KIF2A: variants seen among roughly 807,000 people sequenced by gnomAD.
KIF2A encodes the protein kinesin family member 2A, also known as kinesin-like protein KIF2A.
In KIF2A, 22 loss-of-function variants were observed where a neutral mutation model predicts 100.2. The ratio of observed to expected loss-of-function variants is 0.22; its 90% CI spans 0.16 to 0.31. KIF2A has a LOEUF of 0.31. Ranked by LOEUF, KIF2A falls within the 10% of genes least tolerant of loss-of-function variation. KIF2A has a pLI of 1.00. For missense variants in KIF2A, 495 were observed against 898.7 expected, an observed-to-expected ratio of 0.55 and a Z score of 5.74; for synonymous variants, 268 against 285.9, an observed-to-expected ratio of 0.94 and a Z score of 0.63.
At chr5:62,328,118 C>G (rs1229695472) in intron 1 of KIF2A, among the ~76,000 whole-genome samples, 3 of 152,156 alleles carry the variant, frequency 2.0e-5, no homozygotes, top group Non-Finnish European at 4.4e-5. Flanking sequence ...TTTAACAACA[C>G]CACTGTAAAA....
chr5:62,375,704 G>A lies in KIF2A; in HGVS notation c.1911+1867G>A, dbSNP rs182483640. ...TCCAAATCACTGTTACTAAAGCAGG[G>A]CTTAAAGCAGTGGTCCTTAACTAGG... On this transcript the variant is annotated intron_variant, in intron 18 of 20. Transcript: ENST00000407818. Among the ~76,000 whole-genome samples the A allele has an allele frequency of 1.5e-4, 23 of 152,298 alleles. No individual in the cohort carries two copies. The East Asian group carries it at 4.0e-3, about 27-fold the overall frequency.
rs1331343223 is a variant in KIF2A, at chr5:62,325,487, G to T, written c.64+18951G>T. Among the ~76,000 whole-genome samples, 3 of 151,794 alleles carry T rather than the reference G, an allele frequency of 2.0e-5. No individual in the cohort carries two copies. In the East Asian group the frequency reaches 5.8e-4, roughly 29 times the overall value. On this transcript the variant is annotated intron_variant, in intron 1 of 20. Transcript: ENST00000407818. ...GAAAAAAAAAATGGGTAAAGGACAT[G>T]AACAGATACTTCTCAAAAGAAGACA...
At chr5:62,355,799 C>CTTTTT (rs869252403) in intron 7 of KIF2A, among the ~76,000 whole-genome samples, 1 of 137,140 alleles carries the variant, frequency 7.3e-6, no homozygotes, top group African/African-American at 2.7e-5. Flanking sequence ...CAGGGAGTGC[C>CTTTTT]TTTTTTTTTT....
intron 16 of KIF2A, among the ~76,000 whole-genome samples, chr5:62,367,360 G>C: frequency 6.6e-6 from 1 of 151,962 alleles, no homozygotes; most frequent in East Asian, 1.9e-4. Flanking sequence ...TCCACTTCCT[G>C]AGTTCAAGCG....
chr5:62,382,013 T>G (rs533428660), intron 20 of KIF2A, among the ~76,000 whole-genome samples: 4 of 152,254 alleles, frequency 2.6e-5, no homozygotes, highest in Non-Finnish European at 5.9e-5. Context: ...TATTTCTTTA[T>G]GTGTTAATTT....
At chr5:62,312,496 A>G (rs1160986208) in intron 1 of KIF2A, among the ~76,000 whole-genome samples, 1 of 152,152 alleles carries the variant, frequency 6.6e-6, no homozygotes, top group Non-Finnish European at 1.5e-5. Context: ...ATTTTAACAC[A>G]TCTGTTTTGT....
chr5:62,338,539 C>T (rs1424924210), intron 1 of KIF2A, among the ~76,000 whole-genome samples: 1 of 152,134 alleles, frequency 6.6e-6, no homozygotes, highest in East Asian at 1.9e-4. Context: ...ATCTGCCCAC[C>T]TCAGCCTCCC....
At position 62,314,826 on chromosome 5, in the gene KIF2A, G is replaced by A. The variant is rs150258178; in HGVS notation, c.64+8290G>A. On this transcript the variant is annotated intron_variant, in intron 1 of 20. Transcript: ENST00000407818. ...CACCCAGGCTGTAGTGCAGTGGCAC[G>A]ATCTTGGCTCGCTGCAACCTCCGCC... Among the ~76,000 whole-genome samples the A allele has an allele frequency of 6.7e-3, 943 of 140,346 alleles. 18 individuals carry two copies. Among genetic ancestry groups the A allele is most frequent in the African/African-American group, 0.024 (899 of 38,072 alleles). 92.1% of individuals were successfully genotyped at this position (140,346 alleles called of 152,430 possible). A position where few individuals can be genotyped will look rare whatever the true frequency, so the allele number is the denominator to read the frequency against.
rs528755885 is a variant in KIF2A at position 62,385,040 on chromosome 5, G to T, written c.2150-444G>T. Among the ~76,000 whole-genome samples, 8 of 152,220 alleles carry T rather than the reference G, an allele frequency of 5.3e-5. No individual in the cohort carries two copies. The South Asian group carries it at 1.7e-3, about 32-fold the overall frequency. ...GCCTGTAATCCCAGCTACTCGGGAA[G>T]CTGAGGTGGGAGAATTGCTTGAACC... On this transcript the variant is annotated intron_variant, in intron 20 of 20. Transcript: ENST00000407818.
At chr5:62,337,874 A>G (rs1401543445) in intron 1 of KIF2A, among the ~76,000 whole-genome samples, 2 of 152,090 alleles carry the variant, frequency 1.3e-5, no homozygotes, top group Non-Finnish European at 1.5e-5. Context: ...AGTCTTAATT[A>G]ATGATATAAA....
chr5:62,320,372 G>A (rs140704463), intron 1 of KIF2A, among the ~76,000 whole-genome samples: 87 of 152,254 alleles, frequency 5.7e-4, no homozygotes, highest in African/African-American at 2.0e-3. Context: ...AAAAATCCTA[G>A]AAGTAGAAGC....
In KIF2A at chr5:62,306,805, G is replaced by T. The variant is rs1475711525; in HGVS notation, c.64+269G>T. ...GGTGTCGAGGGTCGCGTCTCCGGGGGTCTCTGGGCGAGGGCCGCTCGCTCC... is the reference window on the plus strand; with the variant it reads ...GGTGTCGAGGGTCGCGTCTCCGGGGTTCTCTGGGCGAGGGCCGCTCGCTCC... On this transcript the variant is annotated intron_variant, in intron 1 of 20. Coordinates refer to ENST00000407818, the MANE Select transcript of KIF2A (RefSeq NM_001098511.3). 17 of 458,824 alleles carry T rather than the reference G, an allele frequency of 3.7e-5. No individual in the cohort carries two copies. The East Asian group carries it at 6.5e-4, about 17-fold the overall frequency. The allele number at this position is 458,824 out of a possible 1,614,324, so 28.4% of individuals were successfully genotyped here. A position where few individuals can be genotyped will look rare whatever the true frequency, so the allele number is the denominator to read the frequency against.
chr5:62,383,414 T>C (rs1027503607), intron 20 of KIF2A, among the ~76,000 whole-genome samples: 1 of 151,372 alleles, frequency 6.6e-6, no homozygotes. Context: ...GGCTAATTTT[T>C]TTGTATTTTT....
chr5:62,331,422 A>AG (rs1161019467), intron 1 of KIF2A, among the ~76,000 whole-genome samples: 2 of 151,886 alleles, frequency 1.3e-5, no homozygotes. Context: ...AAAAAAAAAA[A>AG]AAATTATGTT....
rs1407377516 is a variant in KIF2A at position 62,387,066 on chromosome 5, A to T, written c.*1497A>T. ...AGCCAGATTCTTTACTGTTCATAAA[A>T]CCCAGAGAGTAGTTGTGAAAGATCC... On this transcript the variant is annotated 3_prime_UTR_variant, in exon 21 of 21. Transcript: ENST00000407818. Among the ~76,000 whole-genome samples the T allele has an allele frequency of 6.6e-6, 1 of 152,200 alleles. No homozygotes were observed. Among genetic ancestry groups the T allele is most frequent in the Non-Finnish European group, 1.5e-5 (1 of 68,036 alleles).
intron 19 of KIF2A, 109 bp from the exon 20 acceptor site, chr5:62,381,009 A>C: frequency 1.3e-6 from 1 of 795,822 alleles, no homozygotes. Flanking sequence ...GTCTATTGAC[A>C]TTTTAGAGAA....
At chr5:62,376,045 C>CTAG (rs1292328932) in intron 18 of KIF2A, among the ~76,000 whole-genome samples, 1 of 152,172 alleles carries the variant, frequency 6.6e-6, no homozygotes, top group Non-Finnish European at 1.5e-5. Context: ...TGCATTGCAT[C>CTAG]TAGATATGTT....
chr5:62,378,946 T>C (rs1390777537), intron 19 of KIF2A, among the ~76,000 whole-genome samples: 5 of 152,092 alleles, frequency 3.3e-5, no homozygotes, highest in African/African-American at 1.2e-4. Flanking sequence ...ACTGTTATTA[T>C]GAGACTCTCT....
At chr5:62,347,249 T>C in intron 2 of KIF2A, 25 bp downstream of exon 2, 1 of 1,206,558 alleles carries the variant, frequency 8.3e-7, no homozygotes, top group Non-Finnish European at 1.2e-6. Context: ...TTTAATTTTA[T>C]TCCTAGTCCT....
Sources: gnomAD v4.1 joint callset for allele counts (sites outside exome capture counted in the v4.1 genomes callset) on GRCh38, gnomAD v4.1.1 for gene constraint, MANE v1.5 for transcripts, NCBI Gene and HGNC (gene_info 2026-07-23, HGNC 2026-07-21) for gene names.